Variants in LCA5 observed in about 807,000 individuals in gnomAD.
LCA5 encodes the protein lebercilin LCA5.
Under a neutral mutation model 53.0 loss-of-function variants are expected in LCA5, and 37 were observed. The observed-to-expected ratio is 0.70, with a 90% confidence interval of 0.54 to 0.92. The LOEUF is 0.92. Among genes scored for constraint, LCA5 ranks in the 40% least tolerant of loss-of-function variants. LCA5 has a pLI of 0.00. For synonymous variants in LCA5, 303 were observed against 282.9 expected (o/e 1.07, Z -0.71); for missense variants, 806 against 790.5 (o/e 1.02, Z -0.23).
intron 1 of LCA5, among the ~76,000 whole-genome samples, chr6:79,526,356 A>G (rs1259445838): frequency 6.6e-6 from 1 of 152,122 alleles, no homozygotes; most frequent in Non-Finnish European, 1.5e-5. Flanking sequence ...CATCCTGGCT[A>G]ACACGGTGAA....
At chr6:79,516,602 T>C (rs1178262668) in intron 2 of LCA5, among the ~76,000 whole-genome samples, 1 of 151,988 alleles carries the variant, frequency 6.6e-6, no homozygotes, top group Admixed American at 6.6e-5. Context: ...ATCATTAACC[T>C]GAACTTACAA....
intron 3 of LCA5, among the ~76,000 whole-genome samples, chr6:79,497,535 C>T (rs1213523212): frequency 6.6e-6 from 1 of 152,046 alleles, no homozygotes; most frequent in Non-Finnish European, 1.5e-5. Flanking sequence ...GGGTATGGAG[C>T]TGTATGCTTC....
Position 79,493,709 on chromosome 6 carries a change from T to C in LCA5, c.762A>G (p.Gln254=). 2.5e-6 allele frequency: 4 copies of C among 1,613,706 alleles called. No homozygotes were observed. Among genetic ancestry groups the C allele is most frequent in the African/African-American group, 1.3e-5 (1 of 75,034 alleles). The change falls in exon 4 of 8, where the codon CAA becomes CAG. Residue 254 remains glutamine, a synonymous_variant. Coordinates refer to ENST00000369846, the MANE Select transcript of LCA5 (RefSeq NM_001122769.3). ...KNLELSTNSF[Q]RQLLAERKRA... ...TTTTCCTTTCAGCAAGCAACTGTCGTTGGAAACTGTTAGTACTCAGTTCAA... is the reference window on the plus strand; with the variant it reads ...TTTTCCTTTCAGCAAGCAACTGTCGCTGGAAACTGTTAGTACTCAGTTCAA...
upstream of LCA5, among the ~76,000 whole-genome samples, chr6:79,538,018 G>GTTTT (rs869197362): frequency 5.1e-3 from 225 of 44,150 alleles, 46 homozygotes; most frequent in African/African-American, 0.011. Flanking sequence ...TTGCACACAA[G>GTTTT]TTTTTTTTTT....
intron 1 of LCA5, among the ~76,000 whole-genome samples, chr6:79,529,746 C>T (rs1193961024): frequency 6.6e-6 from 1 of 151,988 alleles, no homozygotes; most frequent in African/African-American, 2.4e-5. Flanking sequence ...AAATGTGGCA[C>T]ATATACACCA....
At chr6:79,493,559 T>C (rs1769898174) in intron 4 of LCA5, 54 bp downstream of exon 4, 7 of 1,489,604 alleles carry the variant, frequency 4.7e-6, no homozygotes, top group Non-Finnish European at 3.7e-6. Flanking sequence ...TTTTAAAATA[T>C]TTAATTTTCG....
chr6:79,486,376 A>C lies in LCA5; in HGVS notation c.*628T>G, dbSNP rs1211696258. 7 of 152,246 alleles carry C rather than the reference A, an allele frequency of 4.6e-5. No homozygotes were observed. The highest frequency in any genetic ancestry group is 2.0e-4 in the Admixed American group (3 of 15,274). The allele number at this position is 152,246 out of a possible 1,614,324, so 9.4% of individuals were successfully genotyped here. A position where few individuals can be genotyped will look rare whatever the true frequency, so the allele number is the denominator to read the frequency against. The stretch of plus-strand genomic sequence containing the variant: ...CGAACTCAACATAATATTCTAACAG[A>C]ATTGTAGGTAAGTGATTTCAGTAAA... On this transcript the variant is annotated 3_prime_UTR_variant, in exon 8 of 8. Transcript: ENST00000369846.
chr6:79,511,946 C>A (rs1487370645), intron 3 of LCA5, among the ~76,000 whole-genome samples: 1 of 152,092 alleles, frequency 6.6e-6, no homozygotes, highest in Non-Finnish European at 1.5e-5. Context: ...CAATCCCCTT[C>A]ACATAAGAGA....
chr6:79,504,683 G>C (rs989620399), intron 3 of LCA5, among the ~76,000 whole-genome samples: 1 of 152,100 alleles, frequency 6.6e-6, no homozygotes, highest in African/African-American at 2.4e-5. Flanking sequence ...ATGAAAGAAG[G>C]CAGCTTTAGG....
chr6:79,495,681 G>T (rs1393728146), intron 3 of LCA5, among the ~76,000 whole-genome samples: 1 of 150,208 alleles, frequency 6.7e-6, no homozygotes, highest in Non-Finnish European at 1.5e-5. Flanking sequence ...AACCTGGGAG[G>T]CAGAAGTTGC....
In LCA5 at chr6:79,513,441, T is replaced by A. The variant is rs183669161; in HGVS notation, c.491A>T (p.His164Leu). 1 of 1,613,974 alleles carries A rather than the reference T, an allele frequency of 6.2e-7. No homozygotes were observed. The highest frequency in any genetic ancestry group is 1.1e-5 in the South Asian group (1 of 91,078). ...ENEISQLIFR[H>L]NNEITALKER... ...TTTGAGTGCTGTAATCTCATTGTTA[T>A]GACGAAATATAAGTTGTGAGATTTC... is the stretch of plus-strand genomic sequence containing the variant. Residue 164 changes from histidine to leucine, a missense_variant, in exon 3 of 8, where the codon CAT (histidine) becomes CTT (leucine). Transcript: ENST00000369846.
intron 1 of LCA5, among the ~76,000 whole-genome samples, chr6:79,527,008 T>A (rs1030328510): frequency 5.9e-5 from 9 of 152,262 alleles, no homozygotes; most frequent in Non-Finnish European, 1.3e-4. Context: ...CTCCGCCTCT[T>A]AAGTTTGCTG....
chr6:79,533,107 T>C (rs1017946232), intron 1 of LCA5, among the ~76,000 whole-genome samples: 4 of 152,292 alleles, frequency 2.6e-5, no homozygotes, highest in African/African-American at 9.6e-5. Flanking sequence ...AGGTTAATTT[T>C]AAATAACTGA....
At chr6:79,512,864 A>C (rs1284514567) in intron 3 of LCA5, among the ~76,000 whole-genome samples, 1 of 152,156 alleles carries the variant, frequency 6.6e-6, no homozygotes, top group Admixed American at 6.6e-5. Flanking sequence ...ATATAAAAAC[A>C]GAAGTCATTG....
chr6:79,513,924 G>C (rs549235256), intron 2 of LCA5, among the ~76,000 whole-genome samples, 183 bp from the exon 3 acceptor site: 9 of 152,140 alleles, frequency 5.9e-5, no homozygotes, highest in African/African-American at 1.4e-4. Flanking sequence ...TATTAAGAAA[G>C]GTATGCAATA....
chr6:79,534,748 G>C (rs745669712), intron 1 of LCA5, among the ~76,000 whole-genome samples: 1 of 152,106 alleles, frequency 6.6e-6, no homozygotes, highest in Non-Finnish European at 1.5e-5. Flanking sequence ...TGTTTGAAAA[G>C]TGGGGGGGTA....
chr6:79,497,165 G>A (rs1770002493), intron 3 of LCA5, among the ~76,000 whole-genome samples: 1 of 152,150 alleles, frequency 6.6e-6, no homozygotes, highest in Non-Finnish European at 1.5e-5. Context: ...AAGTTGGAAA[G>A]AGCATCATGA....
At chr6:79,515,235 G>A (rs1303860337) in intron 2 of LCA5, among the ~76,000 whole-genome samples, 1 of 151,940 alleles carries the variant, frequency 6.6e-6, no homozygotes, top group African/African-American at 2.4e-5. Context: ...TAGGTTGTTG[G>A]GAGAGTTAAA....
At chr6:79,512,043 C>T (rs1009711803) in intron 3 of LCA5, among the ~76,000 whole-genome samples, 12 of 152,224 alleles carry the variant, frequency 7.9e-5, no homozygotes, top group Middle Eastern at 6.8e-3. Flanking sequence ...ACACACTCAG[C>T]TATTTATCAT....
Sources: allele counts gnomAD v4.1 joint callset (sites outside exome capture counted in the v4.1 genomes callset), GRCh38; gene constraint gnomAD v4.1.1; transcripts MANE v1.5; gene names NCBI Gene and HGNC (gene_info 2026-07-23, HGNC 2026-07-21).